The following ADCY9 variants were observed in gnomAD, a reference collection of about 807,000 sequenced individuals.
ADCY9 encodes adenylate cyclase 9, also known as adenylate cyclase type 9.
ADCY9 carries 50 observed loss-of-function variants against 101.5 expected under a neutral mutation model. The ratio of observed to expected loss-of-function variants is 0.49; its 90% CI spans 0.39 to 0.62. ADCY9 has a LOEUF of 0.62. ADCY9 is among the 20% of genes least tolerant of loss of function. The pLI, the probability that ADCY9 is intolerant of heterozygous loss-of-function variation, is 0.00. For synonymous variants in ADCY9, 905 were observed against 769.3 expected, an observed-to-expected ratio of 1.18 and a Z score of -2.92; for missense variants, 1,662 against 1,800.4, an observed-to-expected ratio of 0.92 and a Z score of 1.39.
rs750592614 is a variant in ADCY9, at chr16:4,114,131, T to A, written c.1312A>T (p.Ile438Phe). ...RLCEETKCEK[I>F]STLGDCYYCV... ...TAGTAACAGTCTCCCAGGGTGCTGA[T>A]TTTCTCACACTTGGTCTCCTCACAC... The change falls in exon 2 of 11, where the codon ATC becomes TTC. Residue 438 changes from isoleucine to phenylalanine, a missense_variant. Physicochemically the swap from Ile to Phe is conservative, Grantham distance 21. Coordinates refer to ENST00000294016, the MANE Select transcript of ADCY9 (RefSeq NM_001116.4). This position sits in a 1 kb window ranked among gnomAD's most constrained non-coding sequence, Gnocchi z 4.3. 1 of 1,613,798 alleles carries A rather than the reference T, an allele frequency of 6.2e-7. No individual in the cohort carries two copies.
intron 2 of ADCY9, among the ~76,000 whole-genome samples, chr16:4,097,487 T>TACACACACACACACAC (rs71139606): frequency 2.1e-4 from 15 of 72,498 alleles, no homozygotes; most frequent in Non-Finnish European, 3.4e-4. Flanking sequence ...TATATATATA[T>TACACACACACACACAC]ACACACACAC....
intron 2 of ADCY9, among the ~76,000 whole-genome samples, chr16:4,092,757 C>A (rs1033918258): frequency 1.3e-5 from 2 of 152,174 alleles, no homozygotes; most frequent in African/African-American, 4.8e-5. Flanking sequence ...AACTAAAAAC[C>A]TGCACAAAGG....
intron 7 of ADCY9, chr16:3,982,109 C>T (rs556127222): frequency 5.9e-5 from 9 of 152,878 alleles, no homozygotes; most frequent in African/African-American, 2.2e-4. Flanking sequence ...GGCATGAGCC[C>T]ACAGGGAGTT....
chr16:3,988,422 G>A (rs2056213180), intron 6 of ADCY9, among the ~76,000 whole-genome samples: 1 of 150,760 alleles, frequency 6.6e-6, no homozygotes, highest in African/African-American at 2.4e-5. Flanking sequence ...GGGCAGGTCG[G>A]TGGGGAGTTC....
chr16:3,989,181 G>C (rs879911989), intron 5 of ADCY9, 85 bp from the exon 6 acceptor site: 13 of 1,020,820 alleles, frequency 1.3e-5, no homozygotes, highest in Non-Finnish European at 1.5e-6. Flanking sequence ...CTACCAAAAC[G>C]CTGCTCATTA....
chr16:3,995,318 C>T (rs557936190), intron 3 of ADCY9, among the ~76,000 whole-genome samples: 4 of 152,034 alleles, frequency 2.6e-5, no homozygotes, highest in Non-Finnish European at 4.4e-5. Flanking sequence ...GTCCCAGCTA[C>T]TTGTGGGGCT....
At chr16:4,111,963 T>A (rs958372995) in intron 2 of ADCY9, among the ~76,000 whole-genome samples, 9 of 152,130 alleles carry the variant, frequency 5.9e-5, no homozygotes, top group African/African-American at 2.2e-4. Flanking sequence ...CAAACATATT[T>A]AATAATTACA....
At chr16:3,975,426 G>A (rs1481977814) in intron 9 of ADCY9, among the ~76,000 whole-genome samples, 3 of 152,076 alleles carry the variant, frequency 2.0e-5, no homozygotes, top group Admixed American at 1.3e-4. Flanking sequence ...AACTGAGGAC[G>A]GATGCTCACA....
chr16:4,019,325 T>G (rs1198219542), intron 2 of ADCY9, among the ~76,000 whole-genome samples: 1 of 152,094 alleles, frequency 6.6e-6, no homozygotes, highest in African/African-American at 2.4e-5. Flanking sequence ...GCACATTCCA[T>G]AAGTTGAGAG....
At chr16:3,954,304 T>G (rs565530251) in intron 5 of ADCY9, among the ~76,000 whole-genome samples, 1 of 152,260 alleles carries the variant, frequency 6.6e-6, no homozygotes, top group East Asian at 1.9e-4. Flanking sequence ...TCCCAGCCTG[T>G]CCTCTGCTCT....
Position 4,099,400 on chromosome 16 carries a change from T to A in ADCY9, c.1693+14350A>T, listed in dbSNP as rs185678555. 2.6e-5 allele frequency among the ~76,000 whole-genome samples: 4 copies of A among 152,362 alleles called. No homozygotes were observed. The East Asian group carries it at 7.7e-4, about 29-fold the overall frequency. On this transcript the variant is annotated intron_variant, in intron 2 of 10. Coordinates refer to ENST00000294016, the MANE Select transcript of ADCY9 (RefSeq NM_001116.4). Reference sequence around the variant, plus strand: ...TGCACAAACCGTTTCTTGGGTGGCATTATTTCCTCATAGAAACATGCATAT... The same window carrying A: ...TGCACAAACCGTTTCTTGGGTGGCAATATTTCCTCATAGAAACATGCATAT...
At chr16:4,015,256 T>C (rs1006767498) in intron 2 of ADCY9, among the ~76,000 whole-genome samples, 11 of 152,090 alleles carry the variant, frequency 7.2e-5, no homozygotes, top group African/African-American at 2.7e-4. Flanking sequence ...TCTTATCTTC[T>C]GTATTCCGAG....
Position 4,023,248 on chromosome 16 carries a change from G to A in ADCY9, c.1694-15690C>T, listed in dbSNP as rs76231530. On this transcript the variant is annotated intron_variant, in intron 2 of 10. Coordinates refer to ENST00000294016, the MANE Select transcript of ADCY9 (RefSeq NM_001116.4). ...ACTGTGAACATGGCGTCCATCACCT[G>A]ACTCAGTGGTAGGAACCAGTGGCAG... 4.5e-3 allele frequency among the ~76,000 whole-genome samples: 693 copies of A among 152,334 alleles called. 5 individuals carry two copies. The highest frequency in any genetic ancestry group is 0.016 in the African/African-American group (675 of 41,576).
In ADCY9 at chr16:3,966,094, T is replaced by C; in HGVS notation, c.3743A>G (p.His1248Arg). 6.2e-7 allele frequency: 1 copy of C among 1,614,240 alleles called. No individual in the cohort carries two copies. The highest frequency in any genetic ancestry group is 8.5e-7 in the Non-Finnish European group (1 of 1,180,040). ...CAGCTGGTGCTGTGGGATGACCCTGTGATCCGTGCACTTTGGGTACAGGTA... is the reference window on the plus strand; with the variant it reads ...CAGCTGGTGCTGTGGGATGACCCTGCGATCCGTGCACTTTGGGTACAGGTA... ...KTYLYPKCTD[H>R]RVIPQHQLSI... The change falls in exon 11 of 11, where the codon CAC (histidine) becomes CGC (arginine). Residue 1248 changes from histidine to arginine, a missense_variant. Transcript: ENST00000294016.
chr16:4,018,786 A>G (rs1052071175), intron 2 of ADCY9, among the ~76,000 whole-genome samples: 1 of 152,176 alleles, frequency 6.6e-6, no homozygotes, highest in African/African-American at 2.4e-5. Flanking sequence ...TACAGAGCAC[A>G]TGCAGACTTG....
At chr16:4,020,203 G>A (rs1050887101) in intron 2 of ADCY9, among the ~76,000 whole-genome samples, 11 of 152,232 alleles carry the variant, frequency 7.2e-5, no homozygotes, top group African/African-American at 2.2e-4. Flanking sequence ...AATGTAGCTA[G>A]TATGAACAAG....
chr16:4,101,034 C>G (rs1230495206), intron 2 of ADCY9, among the ~76,000 whole-genome samples: 1 of 152,156 alleles, frequency 6.6e-6, no homozygotes, highest in Non-Finnish European at 1.5e-5. Context: ...GTGCCAAGAA[C>G]TTTTCTAAGA....
chr16:3,996,960 G>A (rs1033762277), intron 3 of ADCY9, among the ~76,000 whole-genome samples: 1 of 152,104 alleles, frequency 6.6e-6, no homozygotes, highest in Non-Finnish European at 1.5e-5. Flanking sequence ...CACCTCCTGG[G>A]TTCAAGCAAT....
chr16:4,083,012 C>T (rs7193369), intron 2 of ADCY9, among the ~76,000 whole-genome samples: 73,989 of 151,792 alleles, frequency 0.49, 18,063 homozygotes, highest in Admixed American at 0.56. Flanking sequence ...CTTTGTGCCA[C>T]AAGGGAAGAC....
Sources: gnomAD v4.1 joint callset for allele counts (sites outside exome capture counted in the v4.1 genomes callset) on GRCh38, gnomAD v4.1.1 for gene constraint, Gnocchi (gnomAD v3.1) non-coding constraint, MANE v1.5 for transcripts, NCBI Gene and HGNC (gene_info 2026-07-23, HGNC 2026-07-21) for gene names.